The following ZPBP variants were observed in gnomAD, a reference collection of about 807,000 sequenced individuals.
The protein encoded by ZPBP is zona pellucida binding protein.
In ZPBP, 26 loss-of-function variants were observed where a neutral mutation model predicts 44.8. The observed-to-expected ratio is 0.58, with a 90% confidence interval of 0.43 to 0.81. The LOEUF (loss-of-function observed/expected upper bound fraction) is 0.81, where lower values mean the gene tolerates loss of function less well. Ranked by LOEUF, ZPBP falls within the 30% of genes least tolerant of loss-of-function variation. The pLI, the probability that ZPBP is intolerant of heterozygous loss-of-function variation, is 0.00. For missense variants in ZPBP, 409 were observed against 434.0 expected (o/e 0.94, Z 0.51); for synonymous variants, 174 against 153.2 (o/e 1.14, Z -1.00).
At chr7:49,978,808 T>C (rs949593794) in intron 7 of ZPBP, among the ~76,000 whole-genome samples, 1 of 152,044 alleles carries the variant, frequency 6.6e-6, no homozygotes, top group Non-Finnish European at 1.5e-5. Context: ...GAGAATTATT[T>C]AAGTATCTTT....
intron 1 of ZPBP, among the ~76,000 whole-genome samples, chr7:50,090,489 G>A (rs111717684): frequency 3.2e-5 from 4 of 123,650 alleles, no homozygotes; most frequent in East Asian, 2.5e-4. Flanking sequence ...GTGTGTGTGT[G>A]TGTATATGAG....
chr7:49,951,774 C>G, intron 7 of ZPBP, among the ~76,000 whole-genome samples: 2 of 151,516 alleles, frequency 1.3e-5, no homozygotes, highest in South Asian at 2.1e-4. Context: ...TAAGTATATA[C>G]TTTTCATGAA....
At chr7:50,060,212 G>A (rs537860660) in intron 3 of ZPBP, among the ~76,000 whole-genome samples, 29 of 150,842 alleles carry the variant, frequency 1.9e-4, no homozygotes, top group East Asian at 5.8e-4. Context: ...GAGTGTTGGC[G>A]GGGACAAGAC....
At chr7:49,954,859 A>G (rs146377896) in intron 7 of ZPBP, among the ~76,000 whole-genome samples, 302 of 152,352 alleles carry the variant, frequency 2.0e-3, no homozygotes, top group African/African-American at 7.0e-3. Flanking sequence ...AACTTACTAA[A>G]ACCAAAAATA....
chr7:49,925,645 A>G (rs957013390), intron 1 of ZPBP, among the ~76,000 whole-genome samples: 1 of 152,200 alleles, frequency 6.6e-6, no homozygotes, highest in Non-Finnish European at 1.5e-5. Flanking sequence ...TATGTGACTG[A>G]AAAGTCTTCA....
At chr7:49,880,039 C>T (rs2128726705) in intron 2 of ZPBP, among the ~76,000 whole-genome samples, 1 of 152,242 alleles carries the variant, frequency 6.6e-6, no homozygotes, top group East Asian at 1.9e-4. Context: ...CATTTTCTCC[C>T]AACTAAAATT....
intron 1 of ZPBP, among the ~76,000 whole-genome samples, chr7:49,931,839 C>T (rs915303620): frequency 1.3e-5 from 2 of 152,210 alleles, no homozygotes; most frequent in South Asian, 2.1e-4. Context: ...GTGGGCAAGG[C>T]CTAGGGCCCC....
chr7:49,907,767 A>C (rs961021402), intron 1 of ZPBP, among the ~76,000 whole-genome samples: 1 of 152,232 alleles, frequency 6.6e-6, no homozygotes, highest in Non-Finnish European at 1.5e-5. Context: ...TCATAGGTGT[A>C]TTCAAAGATG....
intron 4 of ZPBP, among the ~76,000 whole-genome samples, chr7:50,054,079 C>T (rs1352509283): frequency 2.6e-5 from 4 of 151,978 alleles, no homozygotes; most frequent in African/African-American, 9.7e-5. Context: ...TTAGTAGAGA[C>T]GGGGTTTTTC....
At chr7:49,970,004 C>T (rs1796233067) in intron 7 of ZPBP, among the ~76,000 whole-genome samples, 2 of 121,414 alleles carry the variant, frequency 1.6e-5, no homozygotes, top group Admixed American at 1.8e-4. Flanking sequence ...GGATTACAGG[C>T]ATGCACCACC....
chr7:49,980,534 G>A (rs1226552259), intron 7 of ZPBP, among the ~76,000 whole-genome samples: 2 of 151,286 alleles, frequency 1.3e-5, no homozygotes, highest in Non-Finnish European at 2.9e-5. Context: ...CTGGGCATTC[G>A]GTGAGGGCCT....
At chr7:49,885,498 AGGT>A in intron 2 of ZPBP, among the ~76,000 whole-genome samples, 1 of 152,258 alleles carries the variant, frequency 6.6e-6, no homozygotes. Context: ...CATTCTGAAA[AGGT>A]AAAACTCGTT....
intron 3 of ZPBP, among the ~76,000 whole-genome samples, chr7:50,069,280 A>C (rs1212766604): frequency 6.6e-6 from 1 of 151,954 alleles, no homozygotes; most frequent in Non-Finnish European, 1.5e-5. Flanking sequence ...GCCTTTCCAG[A>C]GACTTTTTTT....
intron 4 of ZPBP, among the ~76,000 whole-genome samples, chr7:50,044,246 T>G (rs907420504): frequency 6.6e-6 from 1 of 151,918 alleles, no homozygotes; most frequent in Non-Finnish European, 1.5e-5. Flanking sequence ...AACATCACAA[T>G]TAAAAGAACT....
Position 49,855,040 on chromosome 7 carries a change from G to A in ZPBP, n.510-4526C>T, listed in dbSNP as rs983428804. On this transcript the variant is annotated intron_variant and non_coding_transcript_variant, in intron 2 of 2. Coordinates refer to the ZPBP transcript ENST00000465922. The stretch of plus-strand genomic sequence containing the variant: ...TAGCCTGCCTCTTTGAGAGGGATGA[G>A]GAGTTCTCGGCTTCTATATTTGAAA... 7.9e-5 allele frequency among the ~76,000 whole-genome samples: 12 copies of A among 152,260 alleles called. No individual in the cohort carries two copies. The South Asian group carries it at 1.2e-3, about 16-fold the overall frequency.
At chr7:49,964,127 A>C (rs2128766169) in intron 7 of ZPBP, among the ~76,000 whole-genome samples, 1 of 152,018 alleles carries the variant, frequency 6.6e-6, no homozygotes, top group South Asian at 2.1e-4. Context: ...GTAAACTAAG[A>C]ATAAGTAGGA....
chr7:49,992,227 T>C (rs1247122474), intron 6 of ZPBP, among the ~76,000 whole-genome samples: 1 of 152,018 alleles, frequency 6.6e-6, no homozygotes, highest in African/African-American at 2.4e-5. Flanking sequence ...AATTATGAAG[T>C]AAATGATGAA....
rs1274174464 is a variant in ZPBP, at chr7:49,980,193, ATTATG to A, written c.961+3144_961+3148del. On this transcript the variant is annotated intron_variant, in intron 7 of 7. Transcript: ENST00000046087. ...AATTTAATTAATAAAATTAAATTGT[ATTATG>A]TTATATGTTATATAATATAAAATTA... 5.2e-5 allele frequency among the ~76,000 whole-genome samples: 6 copies of A among 115,540 alleles called. No individual in the cohort carries two copies. In the South Asian group the frequency reaches 1.0e-3, roughly 19 times the overall value. The allele number at this position is 115,540 out of a possible 152,430, so 75.8% of individuals were successfully genotyped here.
intron 4 of ZPBP, among the ~76,000 whole-genome samples, chr7:50,043,192 A>G (rs1027792702): frequency 6.6e-6 from 1 of 152,220 alleles, no homozygotes; most frequent in Non-Finnish European, 1.5e-5. Flanking sequence ...TTTCCCGTTA[A>G]GTAATACTTT....
Sources: allele counts gnomAD v4.1 joint callset (sites outside exome capture counted in the v4.1 genomes callset), GRCh38; gene constraint gnomAD v4.1.1; transcripts MANE v1.5; gene names NCBI Gene and HGNC (gene_info 2026-07-23, HGNC 2026-07-21).